Variants in CSMD2 observed in about 807,000 individuals in gnomAD.
CSMD2 encodes the protein CUB and sushi domain-containing protein 2.
CSMD2 carries 130 observed loss-of-function variants against 398.5 expected under a neutral mutation model. The observed-to-expected ratio is 0.33, with a 90% confidence interval of 0.28 to 0.38. The LOEUF is 0.38. Among genes scored for constraint, CSMD2 ranks in the 10% least tolerant of loss-of-function variants. The pLI is 1.00. For synonymous variants in CSMD2, 1,828 were observed against 1,908.5 expected (o/e 0.96, Z 1.10); for missense variants, 3,829 against 4,764.9 (o/e 0.80, Z 5.78).
Position 33,821,364 on chromosome 1 carries a change from C to T in CSMD2, c.1112-808G>A, listed in dbSNP as rs144645018. 9.2e-5 allele frequency among the ~76,000 whole-genome samples: 14 copies of T among 152,300 alleles called. 1 individual carries two copies. Among genetic ancestry groups the T allele is most frequent in the Middle Eastern group, 6.8e-3 (2 of 294 alleles). ...GGCAACCCTTTGGCCCCTGCCTGTT[C>T]CTTTTCGTCGGGATGCTGGTACTGA... On this transcript the variant is annotated intron_variant, in intron 7 of 70. Coordinates refer to ENST00000373381, the MANE Select transcript of CSMD2 (RefSeq NM_001281956.2).
In CSMD2 at chr1:33,602,469, GGGAGCT is replaced by G; in HGVS notation, c.6604_6609del (p.Ser2202_Ser2203del). 1 of 1,613,888 alleles carries G rather than the reference GGGAGCT, an allele frequency of 6.2e-7. No homozygotes were observed. Among genetic ancestry groups the G allele is most frequent in the Non-Finnish European group, 8.5e-7 (1 of 1,179,970 alleles). ...ACGGTGATCAGCCAGACACAGTCCTGGGAGCTGGAGTACGGGCTAGGGAACCCCGGG... is the reference window on the plus strand; with the variant it reads ...ACGGTGATCAGCCAGACACAGTCCTGGGAGTACGGGCTAGGGAACCCCGGG... On this transcript the variant is annotated inframe_deletion, in exon 43 of 71. Transcript: ENST00000373381.
intron 13 of CSMD2, among the ~76,000 whole-genome samples, chr1:33,751,279 C>A (rs1188532457): frequency 6.6e-6 from 1 of 150,648 alleles, no homozygotes; most frequent in Non-Finnish European, 1.5e-5. Flanking sequence ...ACCAAGCAGT[C>A]AAGAGGTAGG....
At chr1:34,103,314 T>TTTTTTTTTTTTTTTTTTTTTTTTTTC (rs1553316154) in intron 1 of CSMD2, among the ~76,000 whole-genome samples, 2 of 114,658 alleles carry the variant, frequency 1.7e-5, no homozygotes, top group Non-Finnish European at 1.7e-5. Flanking sequence ...TTTTTTTCTT[T>TTTTTTTTTTTTTTTTTTTTTTTTTTC]CTGAGCCAGA....
intron 3 of CSMD2, among the ~76,000 whole-genome samples, chr1:33,991,719 T>C (rs1280212750): frequency 1.3e-5 from 2 of 152,184 alleles, no homozygotes; most frequent in East Asian, 3.8e-4. Context: ...CAGAGGGACC[T>C]TGGGCAAGTC....
chr1:33,726,656 T>G lies in CSMD2; in HGVS notation c.2398A>C (p.Ser800Arg). 6.2e-7 allele frequency: 1 copy of G among 1,612,676 alleles called. No individual in the cohort carries two copies. Among genetic ancestry groups the G allele is most frequent in the East Asian group, 2.2e-5 (1 of 44,862 alleles). Residue 800 changes from serine (S) to arginine (R), a missense_variant, in exon 16 of 71, where the codon AGC (serine) becomes CGC (arginine). This residue lies in a region of CSMD2 where 2,001 missense variants were observed against 2,567.1 expected (regional missense o/e 0.78). Transcript: ENST00000373381. Reference sequence around the variant, plus strand: ...CAGCCCGGAGAGAGGATGGTGCCGCTGGGCGAAGTCAGGTGACCACCACAG... The same window carrying G: ...CAGCCCGGAGAGAGGATGGTGCCGCGGGGCGAAGTCAGGTGACCACCACAG... ...APCGGHLTSP[S>R]GTILSPGWPG... is the part of the protein sequence containing the mutation.
chr1:33,565,766 C>T (rs576145941), intron 53 of CSMD2, among the ~76,000 whole-genome samples: 2 of 152,200 alleles, frequency 1.3e-5, no homozygotes, highest in South Asian at 4.1e-4. Context: ...AAATAAGCAT[C>T]TGGAGATATT....
At chr1:33,630,129 C>T (rs1454157146) in intron 32 of CSMD2, among the ~76,000 whole-genome samples, 1 of 151,472 alleles carries the variant, frequency 6.6e-6, no homozygotes, top group Non-Finnish European at 1.5e-5. Flanking sequence ...TCTATTGGTC[C>T]TATACACCTA....
At chr1:34,017,485 A>T (rs1039007890) in intron 3 of CSMD2, among the ~76,000 whole-genome samples, 1 of 152,224 alleles carries the variant, frequency 6.6e-6, no homozygotes, top group Admixed American at 6.5e-5. Context: ...GGCCAGGCAC[A>T]GTGGCTCATG....
chr1:33,739,265 T>A lies in CSMD2; in HGVS notation c.2243A>T (p.Gln748Leu). ...GAGGAAGGAGATGGAGCTGCCCAGC[T>A]GGAGGCTGTCCCCAAACCGTTTGCC... ...VNGKRFGDSL[Q>L]LGSSISFLCD... The change falls in exon 15 of 71, where the codon CAG (glutamine) becomes CTG (leucine). Residue 748 changes from glutamine (Q) to leucine (L), a missense_variant. By Grantham distance (113) the Gln-to-Leu change is moderately radical (BLOSUM62 -2). Around this residue, in one of 5 missense-constraint regions of CSMD2, gnomAD observed 2,001 missense variants for 2,567.1 expected, o/e 0.78. Coordinates refer to ENST00000373381, the MANE Select transcript of CSMD2 (RefSeq NM_001281956.2). 6.2e-7 allele frequency: 1 copy of A among 1,614,220 alleles called. No individual in the cohort carries two copies. The highest frequency in any genetic ancestry group is 1.1e-5 in the South Asian group (1 of 91,084).
chr1:33,866,290 C>T (rs928484061), intron 5 of CSMD2, among the ~76,000 whole-genome samples: 1 of 152,144 alleles, frequency 6.6e-6, no homozygotes, highest in Non-Finnish European at 1.5e-5. Flanking sequence ...AGTTCCCGCC[C>T]TATAAAAAAT....
intron 7 of CSMD2, among the ~76,000 whole-genome samples, chr1:33,823,237 G>A (rs1570125480): frequency 1.3e-5 from 2 of 152,146 alleles, no homozygotes; most frequent in South Asian, 2.1e-4. Context: ...ACGGTGACGC[G>A]GCTTATACCC....
chr1:34,021,279 ATCCCC>A (rs1648835997), intron 3 of CSMD2, among the ~76,000 whole-genome samples: 1 of 152,200 alleles, frequency 6.6e-6, no homozygotes, highest in African/African-American at 2.4e-5. Context: ...AAAGGCATGC[ATCCCC>A]TAAACCTCTA....
At chr1:34,145,848 A>G (rs1426582087) in intron 1 of CSMD2, among the ~76,000 whole-genome samples, 3 of 152,144 alleles carry the variant, frequency 2.0e-5, no homozygotes. Context: ...TGATGAGTAG[A>G]ACAAGCCCCC....
intron 44 of CSMD2, among the ~76,000 whole-genome samples, chr1:33,588,939 G>A (rs567836360): frequency 6.6e-5 from 10 of 152,252 alleles, no homozygotes; most frequent in East Asian, 5.8e-4. Flanking sequence ...CCAAAAGTCC[G>A]CATGGGATTC....
intron 2 of CSMD2, among the ~76,000 whole-genome samples, chr1:34,034,037 C>A (rs529956431): frequency 6.6e-6 from 1 of 152,240 alleles, no homozygotes; most frequent in South Asian, 2.1e-4. Context: ...AGCAAAAGAT[C>A]CCTACCTCAC....
chr1:34,120,911 C>A (rs944299500), intron 1 of CSMD2, among the ~76,000 whole-genome samples: 3 of 152,154 alleles, frequency 2.0e-5, no homozygotes, highest in African/African-American at 7.2e-5. Context: ...CTGCCATATG[C>A]CCAGCGAGGC....
intron 5 of CSMD2, among the ~76,000 whole-genome samples, chr1:33,854,024 C>A (rs1290133788): frequency 6.6e-6 from 1 of 152,156 alleles, no homozygotes; most frequent in Non-Finnish European, 1.5e-5. Context: ...TTTGAATGTT[C>A]CCAACAATTA....
At position 33,572,506 on chromosome 1, in the gene CSMD2, G is replaced by A. The variant is rs751792986; in HGVS notation, c.7762C>T (p.Pro2588Ser). 2.8e-5 allele frequency: 44 copies of A among 1,594,410 alleles called. No homozygotes were observed. The highest frequency in any genetic ancestry group is 1.1e-4 in the South Asian group (10 of 89,480). ...SNRNVPPQCV[P>S]VTCPDVSSIS... Reference sequence around the variant, plus strand: ...CCGCCTCCATTGCCCGAGGACTCACGGACACACTGTGGTGGGACATTGCGG... The same window carrying A: ...CCGCCTCCATTGCCCGAGGACTCACAGACACACTGTGGTGGGACATTGCGG... The change falls in exon 50 of 71, where the codon CCT (proline) becomes TCT (serine). Residue 2588 changes from proline to serine, a missense_variant and splice_region_variant. Pro to Ser is a moderately conservative substitution (Grantham distance 74, BLOSUM62 -1). Around this residue, in one of 5 missense-constraint regions of CSMD2, gnomAD observed 723 missense variants for 758.6 expected, o/e 0.95. Coordinates refer to ENST00000373381, the MANE Select transcript of CSMD2 (RefSeq NM_001281956.2).
Position 33,569,535 on chromosome 1 carries a change from C to T in CSMD2, c.7970G>A (p.Gly2657Glu). The T allele has an allele frequency of 2.5e-6, 4 of 1,613,856 alleles. No homozygotes were observed. Among genetic ancestry groups the T allele is most frequent in the Non-Finnish European group, 2.5e-6 (3 of 1,179,840 alleles). Residue 2657 changes from glycine to glutamate, a missense_variant, in exon 52 of 71, where the codon GGA becomes GAA. Transcript: ENST00000373381. ...GCCATTGGGGGGAATCGGGAGCTCTCCACAGGAGATGACTAAAATGATCAC... is the reference window on the plus strand; with the variant it reads ...GCCATTGGGGGGAATCGGGAGCTCTTCACAGGAGATGACTAAAATGATCAC... Reference protein sequence around the residue: ...STPTCRIISCGELPIPPNGHR... With the variant: ...STPTCRIISCEELPIPPNGHR...
Sources: allele counts gnomAD v4.1 joint callset (sites outside exome capture counted in the v4.1 genomes callset), GRCh38; gene constraint gnomAD v4.1.1; regional missense constraint gnomAD v4.1.1; transcripts MANE v1.5; gene names NCBI Gene and HGNC (gene_info 2026-07-23, HGNC 2026-07-21).